Variants in PRUNE2 observed in about 807,000 individuals in gnomAD.
PRUNE2 encodes the protein protein prune homolog 2.
PRUNE2 carries 164 observed loss-of-function variants against 252.0 expected under a neutral mutation model. That is an observed-to-expected ratio of 0.65 (90% CI 0.57 to 0.74). PRUNE2 has a LOEUF of 0.74. Ranked by LOEUF, PRUNE2 falls within the 30% of genes least tolerant of loss-of-function variation. PRUNE2 has a pLI of 0.00. For synonymous variants in PRUNE2, 1,292 were observed against 1,350.2 expected, an observed-to-expected ratio of 0.96 and a Z score of 0.94; for missense variants, 3,495 against 3,711.0, an observed-to-expected ratio of 0.94 and a Z score of 1.51.
intron 1 of PRUNE2, among the ~76,000 whole-genome samples, chr9:76,883,296 A>G (rs1012069829): frequency 5.9e-5 from 9 of 152,220 alleles, no homozygotes; most frequent in Admixed American, 4.6e-4. Context: ...GTAAAAAAAC[A>G]TCGCACCTTT....
rs544670612 is a variant in PRUNE2 at position 76,844,971 on chromosome 9, C to T, written c.508+1544G>A. 6.2e-5 allele frequency among the ~76,000 whole-genome samples: 8 copies of T among 128,508 alleles called. No individual in the cohort carries two copies. In the South Asian group the frequency reaches 1.3e-3, roughly 21 times the overall value. 84.3% of individuals were successfully genotyped at this position (128,508 alleles called of 152,430 possible). A position where few individuals can be genotyped will look rare whatever the true frequency, so the allele number is the denominator to read the frequency against. ...TTGAGCCCAGGAGTTCAAGACTAGC[C>T]TGGGCAATATGGTGAGACCCCCCTC... On this transcript the variant is annotated intron_variant, in intron 4 of 18. Coordinates refer to ENST00000376718, the MANE Select transcript of PRUNE2 (RefSeq NM_015225.3).
chr9:76,759,298 T>C (rs186545365), intron 6 of PRUNE2: 1 of 152,314 alleles, frequency 6.6e-6, no homozygotes, highest in East Asian at 1.9e-4. Flanking sequence ...AGATACTGGG[T>C]AGAAGAGGGC....
intron 4 of PRUNE2, among the ~76,000 whole-genome samples, chr9:76,844,490 G>A (rs960048751): frequency 1.3e-5 from 2 of 152,156 alleles, no homozygotes; most frequent in African/African-American, 4.8e-5. Flanking sequence ...AGAAGCATGA[G>A]TGAAATAAAC....
At chr9:76,815,814 G>T (rs900862047) in intron 6 of PRUNE2, among the ~76,000 whole-genome samples, 1 of 152,160 alleles carries the variant, frequency 6.6e-6, no homozygotes, top group Non-Finnish European at 1.5e-5. Flanking sequence ...GCAGAGAAAA[G>T]TTGTCAACAG....
chr9:76,833,675 G>A (rs577104522), intron 4 of PRUNE2, among the ~76,000 whole-genome samples: 140 of 151,896 alleles, frequency 9.2e-4, no homozygotes, highest in Middle Eastern at 3.4e-3. Context: ...TGAGGCAGGA[G>A]AATGGGGTGA....
At position 76,765,624 on chromosome 9, in the gene PRUNE2, C is replaced by T. The variant is rs115975901; in HGVS notation, c.757-51903G>A. On this transcript the variant is annotated intron_variant, in intron 6 of 18. Transcript: ENST00000376718. ...TCTATCCATCCATCTATCCATCCATCCCTCCACCCATCCTTCCCTCCATCC... is the reference window on the plus strand; with the variant it reads ...TCTATCCATCCATCTATCCATCCATTCCTCCACCCATCCTTCCCTCCATCC... Among the ~76,000 whole-genome samples the T allele has an allele frequency of 3.9e-3, 594 of 152,292 alleles. 1 individual carries two copies. Among genetic ancestry groups the T allele is most frequent in the African/African-American group, 0.013 (560 of 41,538 alleles).
chr9:76,854,095 T>C lies in PRUNE2; in HGVS notation c.141+9A>G. The C allele has an allele frequency of 6.9e-7, 1 of 1,452,332 alleles. No homozygotes were observed. The highest frequency in any genetic ancestry group is 9.6e-7 in the Non-Finnish European group (1 of 1,042,174). The allele number at this position is 1,452,332 out of a possible 1,614,324, so 90.0% of individuals were successfully genotyped here. A position where few individuals can be genotyped will look rare whatever the true frequency, so the allele number is the denominator to read the frequency against. ...AAAATATAAGGAGTATTACCCTTTT[T>C]TCCCTCACCTTGTCTAGAAAGTAAG... On this transcript the variant is annotated intron_variant, in intron 2 of 18. Coordinates refer to ENST00000376718, the MANE Select transcript of PRUNE2 (RefSeq NM_015225.3).
At chr9:76,624,015 AGTT>A (rs1176174635) in intron 17 of PRUNE2, among the ~76,000 whole-genome samples, 1 of 152,228 alleles carries the variant, frequency 6.6e-6, no homozygotes, top group Non-Finnish European at 1.5e-5. Context: ...TCATTAAGTA[AGTT>A]GTTGTTTTAA....
At chr9:76,891,518 G>A (rs889739658) in intron 1 of PRUNE2, among the ~76,000 whole-genome samples, 1 of 152,194 alleles carries the variant, frequency 6.6e-6, no homozygotes, top group Non-Finnish European at 1.5e-5. Context: ...TAATCTCACA[G>A]TTGCATACTG....
intron 1 of PRUNE2, among the ~76,000 whole-genome samples, chr9:76,885,238 C>T (rs1125469): frequency 0.57 from 86,118 of 152,152 alleles, 24,674 homozygotes; most frequent in African/African-American, 0.65. Context: ...CATATGAAGA[C>T]ATAATGGTGT....
In PRUNE2 at chr9:76,660,842, C is replaced by T. The variant is rs181575804; in HGVS notation, c.8277-5340G>A. ...TCAGATGTGAAACCACTTGGTAGTG[C>T]TTACTTCTACAAGCAAGTTTCACTG... On this transcript the variant is annotated intron_variant, in intron 9 of 18. Coordinates refer to ENST00000376718, the MANE Select transcript of PRUNE2 (RefSeq NM_015225.3). Among the ~76,000 whole-genome samples the T allele has an allele frequency of 5.1e-3, 766 of 149,692 alleles. 8 individuals carry two copies. Among genetic ancestry groups the T allele is most frequent in the African/African-American group, 0.018 (736 of 40,874 alleles).
intron 11 of PRUNE2, 126 bp from the exon 12 acceptor site, chr9:76,645,035 A>G (rs1476236856): frequency 1.0e-5 from 8 of 788,894 alleles, no homozygotes; most frequent in East Asian, 2.7e-5. Context: ...TTCATCCTGC[A>G]GAAACAACCT....
intron 6 of PRUNE2, among the ~76,000 whole-genome samples, chr9:76,747,376 G>C (rs1321569104): frequency 6.6e-6 from 1 of 152,118 alleles, no homozygotes; most frequent in Non-Finnish European, 1.5e-5. Flanking sequence ...AAAAGTTACT[G>C]TTTGTTGAGC....
intron 6 of PRUNE2, among the ~76,000 whole-genome samples, chr9:76,820,406 AGGCAGT>A (rs2057970493): frequency 1.3e-5 from 2 of 152,182 alleles, no homozygotes; most frequent in Non-Finnish European, 2.9e-5. Context: ...TAACTATTGA[AGGCAGT>A]GGTTTCTACC....
chr9:76,865,806 T>TACACACACACACAC (rs34661457), intron 1 of PRUNE2, among the ~76,000 whole-genome samples: 19 of 127,216 alleles, frequency 1.5e-4, no homozygotes, highest in Middle Eastern at 4.1e-3. Context: ...TCTCTCTCCC[T>TACACACACACACAC]ACACACACAC....
chr9:76,890,040 T>C (rs1564514653), intron 1 of PRUNE2, among the ~76,000 whole-genome samples: 1 of 152,338 alleles, frequency 6.6e-6, no homozygotes, highest in East Asian at 1.9e-4. Context: ...GAAGTAAGTA[T>C]ATTATGTCCC....
At position 76,619,342 on chromosome 9, in the gene PRUNE2, C is replaced by G. The variant is rs1831111646; in HGVS notation, c.9234G>C (p.Lys3078Asn). 1 of 1,597,164 alleles carries G rather than the reference C, an allele frequency of 6.3e-7. No homozygotes were observed. The highest frequency in any genetic ancestry group is 1.3e-5 in the African/African-American group (1 of 74,602). The change falls in exon 18 of 19, where the codon AAG becomes AAC. Residue 3078 changes from lysine to asparagine, a missense_variant and splice_region_variant. Lys to Asn is a moderately conservative substitution (Grantham distance 94). Coordinates refer to ENST00000376718, the MANE Select transcript of PRUNE2 (RefSeq NM_015225.3). ...TGTTATTGATGGTGAATTCTTACTC[C>G]TTCTCCATAGAAGACATTTCTGGAT... ...YNDPEMSSME[K>N]DIDLKLKEKP
chr9:76,648,426 T>G (rs1588128014), intron 11 of PRUNE2, among the ~76,000 whole-genome samples: 1 of 152,186 alleles, frequency 6.6e-6, no homozygotes, highest in East Asian at 1.9e-4. Context: ...AAGACGTCCT[T>G]CAGTAGGTGA....
intron 9 of PRUNE2, among the ~76,000 whole-genome samples, chr9:76,693,589 G>A (rs1187981672): frequency 4.0e-5 from 6 of 151,622 alleles, no homozygotes; most frequent in African/African-American, 7.3e-5. Context: ...GACCACAGGC[G>A]TGCACCACCA....
Sources: gnomAD v4.1 joint callset for allele counts (sites outside exome capture counted in the v4.1 genomes callset) on GRCh38, gnomAD v4.1.1 for gene constraint, MANE v1.5 for transcripts, NCBI Gene and HGNC (gene_info 2026-07-23, HGNC 2026-07-21) for gene names.